The following SNX29 variants were observed in gnomAD, a reference collection of about 807,000 sequenced individuals.
SNX29 encodes the protein sorting nexin-29.
Under a neutral mutation model 102.1 loss-of-function variants are expected in SNX29, and 78 were observed. The ratio of observed to expected loss-of-function variants is 0.76; its 90% CI spans 0.64 to 0.92. The LOEUF (loss-of-function observed/expected upper bound fraction) is 0.92, where lower values mean the gene tolerates loss of function less well. Ranked by LOEUF, SNX29 falls within the 40% of genes least tolerant of loss-of-function variation. SNX29 has a pLI of 0.00. For synonymous variants in SNX29, 580 were observed against 414.5 expected (o/e 1.40, Z -4.85); for missense variants, 1,280 against 1,061.7 (o/e 1.21, Z -2.86).
At chr16:12,234,757 T>G (rs938980291) in intron 14 of SNX29, among the ~76,000 whole-genome samples, 3 of 152,342 alleles carry the variant, frequency 2.0e-5, no homozygotes, top group South Asian at 4.1e-4. Flanking sequence ...CTCTCTGGAC[T>G]TAGCACTGCA....
At chr16:12,428,213 G>A (rs1041496036) in intron 18 of SNX29, among the ~76,000 whole-genome samples, 8 of 152,038 alleles carry the variant, frequency 5.3e-5, no homozygotes, top group African/African-American at 1.9e-4. Context: ...TCAAAACAGG[G>A]CTTTAAGCTG....
chr16:12,312,698 A>G (rs2080599402), intron 15 of SNX29, among the ~76,000 whole-genome samples: 1 of 151,050 alleles, frequency 6.6e-6, no homozygotes. Context: ...GAGGGGGAAG[A>G]GCTTCCAAGT....
intron 14 of SNX29, among the ~76,000 whole-genome samples, chr16:12,260,653 C>T (rs184107097): frequency 1.5e-5 from 1 of 68,308 alleles, no homozygotes; most frequent in Non-Finnish European, 3.6e-5. Flanking sequence ...TAGCCAGGTC[C>T]CCGGCTGGAG....
Position 12,574,201 on chromosome 16 carries a change from C to G in SNX29, c.*5572C>G, listed in dbSNP as rs562908915. 5.6e-6 allele frequency: 1 copy of G among 178,366 alleles called. No homozygotes were observed. The highest frequency in any genetic ancestry group is 2.4e-5 in the African/African-American group (1 of 42,392). The allele number at this position is 178,366 out of a possible 1,614,324, so 11.0% of individuals were successfully genotyped here. A position where few individuals can be genotyped will look rare whatever the true frequency, so the allele number is the denominator to read the frequency against. ...TATTAAAATTTTCTTTTGGAATAAG[C>G]TGTGGAAATTTTGTTACAACCTGGT... On this transcript the variant is annotated 3_prime_UTR_variant, in exon 21 of 21. Coordinates refer to ENST00000566228, the MANE Select transcript of SNX29 (RefSeq NM_032167.5).
chr16:12,518,868 G>T (rs901798007), intron 19 of SNX29, among the ~76,000 whole-genome samples: 1 of 152,212 alleles, frequency 6.6e-6, no homozygotes, highest in African/African-American at 2.4e-5. Context: ...AAATGGTACT[G>T]CAGGTCTCTG....
At chr16:12,455,056 G>A (rs115210546) in intron 18 of SNX29, among the ~76,000 whole-genome samples, 2,127 of 152,270 alleles carry the variant, frequency 0.014, 47 homozygotes, top group African/African-American at 0.048. Context: ...CCCGTTGGAG[G>A]ACTTTAATTT....
intron 20 of SNX29, among the ~76,000 whole-genome samples, chr16:12,559,079 C>A (rs1417925808): frequency 9.2e-5 from 14 of 152,186 alleles, no homozygotes; most frequent in African/African-American, 3.1e-4. Context: ...CCGCTGTGTC[C>A]CCGTGCTCCT....
rs577563390 is a variant in SNX29 at position 11,995,557 on chromosome 16, C to A, written c.8-3740C>A. On this transcript the variant is annotated intron_variant, in intron 1 of 20. Transcript: ENST00000566228. ...AACAGGTTTTTCTTTTCTTCCCCCC[C>A]CACCCCATCATGAAAAGAGGCTTTG... Among the ~76,000 whole-genome samples, 26 of 151,768 alleles carry A rather than the reference C, an allele frequency of 1.7e-4. No homozygotes were observed. The South Asian group carries it at 4.0e-3, about 23-fold the overall frequency.
chr16:12,544,182 T>C (rs1173400808), intron 20 of SNX29, among the ~76,000 whole-genome samples: 1 of 152,182 alleles, frequency 6.6e-6, no homozygotes, highest in African/African-American at 2.4e-5. Context: ...ATCGGTGGTG[T>C]GCACATCAGC....
intron 11 of SNX29, among the ~76,000 whole-genome samples, chr16:12,097,360 G>A (rs2052810204): frequency 1.3e-5 from 2 of 152,170 alleles, no homozygotes; most frequent in African/African-American, 4.8e-5. Flanking sequence ...AGCTTCACCT[G>A]GAGACCCTGC....
At chr16:12,439,132 C>G (rs1470321414) in intron 18 of SNX29, among the ~76,000 whole-genome samples, 1 of 152,238 alleles carries the variant, frequency 6.6e-6, no homozygotes, top group East Asian at 1.9e-4. Flanking sequence ...GGCCCTCCAC[C>G]TGCTCTTGTC....
chr16:12,417,939 C>T (rs1449883903), intron 18 of SNX29, among the ~76,000 whole-genome samples: 1 of 152,176 alleles, frequency 6.6e-6, no homozygotes, highest in Non-Finnish European at 1.5e-5. Flanking sequence ...TGGTACTCCG[C>T]ACTGTCTGTC....
intron 14 of SNX29, among the ~76,000 whole-genome samples, chr16:12,227,217 C>T (rs180897715): frequency 6.6e-6 from 1 of 152,304 alleles, no homozygotes; most frequent in Admixed American, 6.5e-5. Context: ...CCCTTGTCAT[C>T]CCACAGAGCT....
intron 1 of SNX29, among the ~76,000 whole-genome samples, chr16:11,988,848 A>G (rs383237): frequency 1 from 151,905 of 152,350 alleles, 75,733 homozygotes; most frequent in Middle Eastern, 1. Flanking sequence ...AATTACTGTT[A>G]TCTATGGTTG....
At position 12,217,169 on chromosome 16, in the gene SNX29, T is replaced by C. The variant is rs371162010; in HGVS notation, c.1678+17486T>C. On this transcript the variant is annotated intron_variant, in intron 14 of 20. Coordinates refer to ENST00000566228, the MANE Select transcript of SNX29 (RefSeq NM_032167.5). ...TCAGCCTCTGAAGTAGCTGGGACTA[T>C]AGCACACCTGGATAATTTTTTTGTA... is the stretch of plus-strand genomic sequence containing the variant. Among the ~76,000 whole-genome samples the C allele has an allele frequency of 1.7e-4, 26 of 152,288 alleles. No homozygotes were observed. The East Asian group carries it at 3.7e-3, about 21-fold the overall frequency.
At chr16:12,477,999 A>C (rs146232348) in intron 19 of SNX29, 140 bp downstream of exon 19, 1 of 1,003,714 alleles carries the variant, frequency 1.0e-6, no homozygotes, top group Non-Finnish European at 1.4e-6. Flanking sequence ...TAGAGAAAAG[A>C]AATAGCCATT....
intron 14 of SNX29, among the ~76,000 whole-genome samples, chr16:12,207,008 C>G (rs1356698859): frequency 6.6e-6 from 1 of 152,080 alleles, no homozygotes; most frequent in Admixed American, 6.6e-5. Context: ...TCAAGGTGCA[C>G]TTTTCTTCTT....
intron 20 of SNX29, among the ~76,000 whole-genome samples, chr16:12,562,822 T>G (rs192755031): frequency 6.6e-6 from 1 of 152,154 alleles, no homozygotes; most frequent in Non-Finnish European, 1.5e-5. Flanking sequence ...TCCCCCCAAA[T>G]TTCCTAGCAT....
intron 14 of SNX29, among the ~76,000 whole-genome samples, chr16:12,203,799 C>T (rs968327449): frequency 6.6e-6 from 1 of 152,212 alleles, no homozygotes; most frequent in African/African-American, 2.4e-5. Context: ...AAGAGATTCC[C>T]CTGCTAGGAT....
Sources: allele counts gnomAD v4.1 joint callset (sites outside exome capture counted in the v4.1 genomes callset), GRCh38; gene constraint gnomAD v4.1.1; transcripts MANE v1.5; gene names NCBI Gene and HGNC (gene_info 2026-07-23, HGNC 2026-07-21).